Variants in CNTN4 observed in about 807,000 individuals in gnomAD.
CNTN4 encodes contactin-4.
In CNTN4, 77 loss-of-function variants were observed where a neutral mutation model predicts 122.5. The observed-to-expected ratio is 0.63, with a 90% CI of 0.52 to 0.76. The LOEUF (loss-of-function observed/expected upper bound fraction) is 0.76, where lower values mean the gene tolerates loss of function less well. Ranked by LOEUF, CNTN4 falls within the 30% of genes least tolerant of loss-of-function variation. The probability of loss-of-function intolerance (pLI) is 0.00; values close to 1 mark genes in which losing one functional copy is unlikely to be tolerated. For synonymous variants in CNTN4, 512 were observed against 447.0 expected, an observed-to-expected ratio of 1.15 and a Z score of -1.83; for missense variants, 1,256 against 1,259.1, an observed-to-expected ratio of 1.00 and a Z score of 0.04.
intron 20 of CNTN4, 126 bp downstream of exon 20, chr3:3,040,397 G>C: frequency 2.6e-6 from 2 of 767,802 alleles, no homozygotes; most frequent in South Asian, 2.9e-5. Context: ...TTTGAGAAGA[G>C]GATAATGTAA....
intron 3 of CNTN4, among the ~76,000 whole-genome samples, chr3:2,372,861 A>G (rs1575487043): frequency 6.6e-6 from 1 of 152,134 alleles, no homozygotes; most frequent in Admixed American, 6.5e-5. Context: ...CAGCCTGGCC[A>G]ACATGGTGAA....
At chr3:2,545,089 T>A (rs1488165297) in intron 3 of CNTN4, among the ~76,000 whole-genome samples, 1 of 152,154 alleles carries the variant, frequency 6.6e-6, no homozygotes, top group Non-Finnish European at 1.5e-5. Context: ...CTTATTAGTT[T>A]CAAAGAATTT....
intron 2 of CNTN4, among the ~76,000 whole-genome samples, chr3:2,221,757 G>A (rs2039069522): frequency 6.6e-6 from 1 of 152,072 alleles, no homozygotes; most frequent in African/African-American, 2.4e-5. Flanking sequence ...CAGCTTCAAA[G>A]AAGATATACT....
chr3:2,882,366 GAA>G (rs950535560), intron 8 of CNTN4, among the ~76,000 whole-genome samples: 1 of 131,726 alleles, frequency 7.6e-6, no homozygotes, highest in Non-Finnish European at 1.6e-5. Context: ...ACTTCGTCTC[GAA>G]AAAAAAAAAA....
intron 2 of CNTN4, among the ~76,000 whole-genome samples, chr3:2,139,180 A>G (rs1182435904): frequency 6.6e-6 from 1 of 152,150 alleles, no homozygotes. Context: ...CCCTTAGTAT[A>G]TTTGTAATGT....
chr3:3,025,460 C>T (rs73116692), intron 14 of CNTN4, among the ~76,000 whole-genome samples: 12,860 of 151,860 alleles, frequency 0.085, 621 homozygotes, highest in Admixed American at 0.11. Context: ...CATGCCTATA[C>T]AATATTGAGG....
chr3:2,576,077 T>C (rs576350926), intron 4 of CNTN4, among the ~76,000 whole-genome samples: 1,826 of 152,212 alleles, frequency 0.012, 41 homozygotes, highest in African/African-American at 0.041. Flanking sequence ...CCTTGTGATC[T>C]GCCCACCTCG....
At chr3:3,034,554 C>A in intron 16 of CNTN4, 78 bp from the exon 17 acceptor site, 1 of 1,392,456 alleles carries the variant, frequency 7.2e-7, no homozygotes, top group Non-Finnish European at 1.0e-6. Context: ...TGGGTCAATG[C>A]CCCATTCAAG....
At chr3:2,162,868 G>A (rs1042410580) in intron 2 of CNTN4, among the ~76,000 whole-genome samples, 2 of 152,084 alleles carry the variant, frequency 1.3e-5, no homozygotes, top group South Asian at 2.1e-4. Flanking sequence ...AGGCAGAGGC[G>A]GGTGGGTGGC....
At chr3:3,025,879 T>C (rs1334420382) in intron 14 of CNTN4, among the ~76,000 whole-genome samples, 2 of 152,192 alleles carry the variant, frequency 1.3e-5, no homozygotes, top group African/African-American at 4.8e-5. Flanking sequence ...TCTGTTGCTC[T>C]GAGAAGGTTC....
Position 2,956,845 on chromosome 3 carries a change from C to T in CNTN4, c.1358+31066C>T, listed in dbSNP as rs550608221. On this transcript the variant is annotated intron_variant, in intron 13 of 24. Transcript: ENST00000418658. The stretch of plus-strand genomic sequence containing the variant: ...ACCATGGCTCTACTTTCTGCTTCTA[C>T]GAGCTCTACTTTTTTAGATTTCACA... Among the ~76,000 whole-genome samples the T allele has an allele frequency of 9.9e-5, 15 of 152,238 alleles. No homozygotes were observed. The South Asian group carries it at 3.1e-3, about 32-fold the overall frequency.
At chr3:3,031,334 C>T (rs541200413) in intron 16 of CNTN4, among the ~76,000 whole-genome samples, 1 of 152,212 alleles carries the variant, frequency 6.6e-6, no homozygotes, top group African/African-American at 2.4e-5. Flanking sequence ...TTCATCTGGG[C>T]CAAACTGAAT....
chr3:2,179,086 A>G (rs9826134), intron 2 of CNTN4, among the ~76,000 whole-genome samples: 9,723 of 152,106 alleles, frequency 0.064, 351 homozygotes, highest in Middle Eastern at 0.1. Flanking sequence ...GATCATTTGC[A>G]ATTATAAATG....
At chr3:2,512,183 T>C (rs958162407) in intron 3 of CNTN4, among the ~76,000 whole-genome samples, 1 of 152,210 alleles carries the variant, frequency 6.6e-6, no homozygotes, top group Admixed American at 6.5e-5. Flanking sequence ...TCTCTTGTTT[T>C]TCAGTTGCAT....
intron 3 of CNTN4, among the ~76,000 whole-genome samples, chr3:2,425,490 G>T (rs568748194): frequency 2.6e-5 from 4 of 152,300 alleles, no homozygotes; most frequent in Non-Finnish European, 5.9e-5. Context: ...AGTATAGTTT[G>T]AAGTCAGGTA....
intron 10 of CNTN4, among the ~76,000 whole-genome samples, chr3:2,897,814 G>A (rs2094131357): frequency 6.6e-6 from 1 of 152,126 alleles, no homozygotes; most frequent in Non-Finnish European, 1.5e-5. Context: ...GAATTTTAGA[G>A]CATTTCAGAT....
At chr3:2,944,149 T>TG (rs200229056) in intron 13 of CNTN4, among the ~76,000 whole-genome samples, 2 of 151,236 alleles carry the variant, frequency 1.3e-5, no homozygotes, top group African/African-American at 4.8e-5. Context: ...AATGAATTTT[T>TG]GGGGGGTTTT....
At position 2,385,905 on chromosome 3, in the gene CNTN4, A is replaced by G. The variant is rs1263774675; in HGVS notation, c.-89+46672A>G. On this transcript the variant is annotated intron_variant, in intron 3 of 24. Transcript: ENST00000418658. This position sits in a 1 kb window ranked among gnomAD's most constrained non-coding sequence, Gnocchi z 4.0. ...CAACCCATAACAATGTTCCATCAAT[A>G]TTTGATAAATGAATGAATACATGCA... 2.6e-5 allele frequency among the ~76,000 whole-genome samples: 4 copies of G among 152,084 alleles called. No individual in the cohort carries two copies. The highest frequency in any genetic ancestry group is 5.9e-5 in the Non-Finnish European group (4 of 68,028).
intron 23 of CNTN4, among the ~76,000 whole-genome samples, chr3:3,045,896 T>G (rs7623223): frequency 0.26 from 39,427 of 151,986 alleles, 5,385 homozygotes; most frequent in Middle Eastern, 0.35. Flanking sequence ...GTTAGACAAA[T>G]GGCTAACTAG....
Sources: allele counts gnomAD v4.1 joint callset (sites outside exome capture counted in the v4.1 genomes callset), GRCh38; gene constraint gnomAD v4.1.1; non-coding constraint Gnocchi (gnomAD v3.1); transcripts MANE v1.5; gene names NCBI Gene and HGNC (gene_info 2026-07-23, HGNC 2026-07-21).